CACNA1C: variants seen among roughly 807,000 people sequenced by gnomAD.
CACNA1C encodes the protein calcium voltage-gated channel subunit alpha1 C.
CACNA1C carries 30 observed loss-of-function variants against 229.0 expected under a neutral mutation model. The observed-to-expected ratio is 0.13, with a 90% CI of 0.10 to 0.18. The LOEUF (loss-of-function observed/expected upper bound fraction) is 0.18, where lower values mean the gene tolerates loss of function less well. Ranked by LOEUF, CACNA1C falls within the 10% of genes least tolerant of loss-of-function variation. The pLI, the probability that CACNA1C is intolerant of heterozygous loss-of-function variation, is 1.00. For synonymous variants in CACNA1C, 1,114 were observed against 1,132.5 expected (o/e 0.98, Z 0.33); for missense variants, 1,658 against 2,845.0 (o/e 0.58, Z 9.49).
At chr12:2,549,495 C>T (rs996547924) in intron 9 of CACNA1C, among the ~76,000 whole-genome samples, 1 of 152,162 alleles carries the variant, frequency 6.6e-6, no homozygotes, top group African/African-American at 2.4e-5. Flanking sequence ...ACAGGCTGGT[C>T]CCTGTTCTTG....
intron 3 of CACNA1C, among the ~76,000 whole-genome samples, chr12:2,291,303 A>G (rs1178718369): frequency 6.6e-6 from 1 of 152,172 alleles, no homozygotes; most frequent in Non-Finnish European, 1.5e-5. Flanking sequence ...AAAACAATCA[A>G]AATGGAACCC....
At chr12:2,239,363 C>G (rs1048811764) in intron 3 of CACNA1C, among the ~76,000 whole-genome samples, 2 of 151,930 alleles carry the variant, frequency 1.3e-5, no homozygotes, top group African/African-American at 2.4e-5. Context: ...TCCTTCCACA[C>G]ACACAGGCTT....
At chr12:2,668,305 A>G (rs1414474561) in intron 37 of CACNA1C, among the ~76,000 whole-genome samples, 2 of 152,032 alleles carry the variant, frequency 1.3e-5, no homozygotes, top group Non-Finnish European at 2.9e-5. Flanking sequence ...AATGAGGACA[A>G]ATTTCATACC....
At chr12:2,261,768 G>A (rs2080330566) in intron 3 of CACNA1C, among the ~76,000 whole-genome samples, 1 of 152,196 alleles carries the variant, frequency 6.6e-6, no homozygotes, top group Non-Finnish European at 1.5e-5. Flanking sequence ...CACAACAGGT[G>A]CTTCTGCTGT....
chr12:2,426,244 G>A (rs1044197978), intron 3 of CACNA1C, among the ~76,000 whole-genome samples: 19 of 152,138 alleles, frequency 1.2e-4, no homozygotes, highest in African/African-American at 4.6e-4. Context: ...ACATGCCTTT[G>A]CCGTGAAGGA....
At chr12:2,636,552 A>G (rs1286173866) in intron 30 of CACNA1C, among the ~76,000 whole-genome samples, 1 of 152,182 alleles carries the variant, frequency 6.6e-6, no homozygotes, top group Non-Finnish European at 1.5e-5. Context: ...TAAATTTGAC[A>G]GGTAAGAATT....
At chr12:2,295,655 C>G (rs986119077) in intron 3 of CACNA1C, among the ~76,000 whole-genome samples, 1 of 152,180 alleles carries the variant, frequency 6.6e-6, no homozygotes, top group East Asian at 1.9e-4. Flanking sequence ...CAATACCTAC[C>G]ATTTATTCAT....
At chr12:2,515,554 C>T (rs2099794893) in intron 9 of CACNA1C, among the ~76,000 whole-genome samples, 1 of 152,200 alleles carries the variant, frequency 6.6e-6, no homozygotes, top group South Asian at 2.1e-4. Flanking sequence ...AGCTCAAAAG[C>T]CAAGTCATCT....
At chr12:2,227,447 A>G (rs2063352783) in intron 3 of CACNA1C, among the ~76,000 whole-genome samples, 1 of 152,236 alleles carries the variant, frequency 6.6e-6, no homozygotes, top group African/African-American at 2.4e-5. Context: ...AGTCTGCCAA[A>G]TGAAGACAAT....
rs1167790382 is a variant in CACNA1C at position 2,467,392 on chromosome 12, C to T, written c.757+9686C>T. Among the ~76,000 whole-genome samples the T allele has an allele frequency of 1.3e-5, 2 of 152,174 alleles. No homozygotes were observed. The highest frequency in any genetic ancestry group is 2.9e-5 in the Non-Finnish European group (2 of 68,018). ...GGCAGGTGGGCAGGACCCTTGCTTC[C>T]TGCACGGTCTGCAAGGGGACTCTGA... On this transcript the variant is annotated intron_variant, in intron 5 of 46. Coordinates refer to ENST00000399655, the MANE Select transcript of CACNA1C (RefSeq NM_000719.7). This position sits in a 1 kb window ranked among gnomAD's most constrained non-coding sequence, Gnocchi z 4.6.
intron 13 of CACNA1C, among the ~76,000 whole-genome samples, chr12:2,576,181 A>G (rs191044248): frequency 6.6e-6 from 1 of 152,336 alleles, no homozygotes; most frequent in Admixed American, 6.5e-5. Flanking sequence ...ACTTTTAAGG[A>G]TAAAACAGGG....
At chr12:2,384,007 GA>G (rs1236715715) in intron 3 of CACNA1C, among the ~76,000 whole-genome samples, 2 of 152,358 alleles carry the variant, frequency 1.3e-5, no homozygotes, top group East Asian at 3.9e-4. Flanking sequence ...GAGAGGTTGT[GA>G]ATGCATTTGC....
chr12:2,631,636 T>A (rs1486056938), intron 29 of CACNA1C, among the ~76,000 whole-genome samples: 1 of 152,156 alleles, frequency 6.6e-6, no homozygotes, highest in African/African-American at 2.4e-5. Context: ...GAGAAAGAAG[T>A]CTCTCTGCCT....
rs535568923 is a variant in CACNA1C, at chr12:2,620,834, T to C, written c.3828+8821T>C. Among the ~76,000 whole-genome samples the C allele has an allele frequency of 2.0e-5, 3 of 152,360 alleles. No homozygotes were observed. The South Asian group carries it at 6.2e-4, about 32-fold the overall frequency. ...AATGGCGGGAGCTGTTTCATGTTCA[T>C]CTCTGTGCCATGAGAGGCATTCAGT... is the stretch of plus-strand genomic sequence containing the variant. On this transcript the variant is annotated intron_variant, in intron 29 of 46. Transcript: ENST00000399655.
Position 2,015,346 on chromosome 12 carries a change from T to A in CACNA1C, c.139+44145T>A, listed in dbSNP as rs566563689. 1.2e-3 allele frequency among the ~76,000 whole-genome samples: 183 copies of A among 152,268 alleles called. 1 individual carries two copies. The highest frequency in any genetic ancestry group is 2.1e-3 in the Non-Finnish European group (140 of 68,006). On this transcript the variant is annotated intron_variant, in intron 1 of 46. Coordinates refer to the CACNA1C transcript ENST00000682462. The stretch of plus-strand genomic sequence containing the variant: ...TATCCCAGCCCCAAGTTTTCTGTAG[T>A]GGAGGCTGAAAACTTCAGGGGAAAG...
chr12:2,053,465 C>T lies in CACNA1C; in HGVS notation c.-98C>T. 6.7e-7 allele frequency: 1 copy of T among 1,485,342 alleles called. No homozygotes were observed. The highest frequency in any genetic ancestry group is 9.0e-7 in the Non-Finnish European group (1 of 1,110,592). The allele number at this position is 1,485,342 out of a possible 1,614,324, so 92.0% of individuals were successfully genotyped here. ...TTCCTCGAATCTTGCGCGAAAGCCG[C>T]CGGCCTCGGAGGAGGGATTAATCCA... On this transcript the variant is annotated 5_prime_UTR_variant, in exon 1 of 47. Transcript: ENST00000399655. This position sits in a 1 kb window ranked among gnomAD's most constrained non-coding sequence, Gnocchi z 5.8.
intron 3 of CACNA1C, among the ~76,000 whole-genome samples, chr12:2,298,587 G>A (rs749991652): frequency 1.1e-4 from 17 of 152,110 alleles, no homozygotes; most frequent in Non-Finnish European, 1.6e-4. Context: ...ATGAGCCACC[G>A]TGCCTGGCCA....
chr12:2,458,029 A>T (rs1408438450), intron 5 of CACNA1C, among the ~76,000 whole-genome samples: 2 of 152,086 alleles, frequency 1.3e-5, no homozygotes, highest in Non-Finnish European at 2.9e-5. Context: ...ATTTTGTAGC[A>T]GAAGAGCCAG....
At chr12:2,320,628 G>A (rs2095936216) in intron 3 of CACNA1C, among the ~76,000 whole-genome samples, 1 of 152,100 alleles carries the variant, frequency 6.6e-6, no homozygotes, top group Admixed American at 6.5e-5. Flanking sequence ...GTTTCTCTGG[G>A]GTTTCTTTTC....
Sources: gnomAD v4.1 joint callset for allele counts (sites outside exome capture counted in the v4.1 genomes callset) on GRCh38, gnomAD v4.1.1 for gene constraint, Gnocchi (gnomAD v3.1) non-coding constraint, MANE v1.5 for transcripts, NCBI Gene and HGNC (gene_info 2026-07-23, HGNC 2026-07-21) for gene names.